The following MGMT variants were observed in gnomAD, a reference collection of about 807,000 sequenced individuals.
The protein encoded by MGMT is O-6-methylguanine-DNA methyltransferase.
In MGMT, 14 loss-of-function variants were observed where a neutral mutation model predicts 15.9. That is an observed-to-expected ratio of 0.88 (90% CI 0.58 to 1.37). The LOEUF (loss-of-function observed/expected upper bound fraction) is 1.37. MGMT is among the 40% of genes most tolerant of loss of function. The probability of loss-of-function intolerance (pLI) is 0.00; values close to 1 mark genes in which losing one functional copy is unlikely to be tolerated. For synonymous variants in MGMT, 130 were observed against 118.2 expected (o/e 1.10, Z -0.65); for missense variants, 282 against 268.1 (o/e 1.05, Z -0.36).
chr10:129,742,767 C>T (rs71476175), intron 3 of MGMT, among the ~76,000 whole-genome samples: 2 of 151,024 alleles, frequency 1.3e-5, no homozygotes, highest in Admixed American at 6.6e-5. Context: ...TCATCAGGGC[C>T]GGGGCATTCA....
chr10:129,668,521 C>T (rs1212980223), intron 2 of MGMT, among the ~76,000 whole-genome samples: 2 of 152,072 alleles, frequency 1.3e-5, no homozygotes, highest in Non-Finnish European at 2.9e-5. Flanking sequence ...CCATTTATTC[C>T]CCATGTCTAT....
At chr10:129,715,549 G>C (rs1227729090) in intron 3 of MGMT, 1 of 152,186 alleles carries the variant, frequency 6.6e-6, no homozygotes, top group Admixed American at 6.5e-5. Context: ...CGCTCCAAAA[G>C]AGAATGTTAA....
At position 129,702,858 on chromosome 10, in the gene MGMT, T is replaced by C. The variant is rs185038076; in HGVS notation, c.126-5037T>C. Among the ~76,000 whole-genome samples, 478 of 152,226 alleles carry C rather than the reference T, an allele frequency of 3.1e-3. 6 individuals are homozygous for C. Among genetic ancestry groups the C allele is most frequent in the East Asian group, 0.014 (73 of 5,158 alleles). Reference sequence around the variant, plus strand: ...CGTGGGCTACGGAGCCCGTAATTGTTAGTGTTTCAGGGTTTGCCAGTGGGG... The same window carrying C: ...CGTGGGCTACGGAGCCCGTAATTGTCAGTGTTTCAGGGTTTGCCAGTGGGG... On this transcript the variant is annotated intron_variant, in intron 2 of 4. Transcript: ENST00000651593.
chr10:129,575,079 A>G (rs1846464230), intron 2 of MGMT, among the ~76,000 whole-genome samples: 1 of 152,162 alleles, frequency 6.6e-6, no homozygotes. Context: ...CCACACAACA[A>G]TAATGGGAGA....
At chr10:129,597,545 A>T (rs1846765636) in intron 2 of MGMT, among the ~76,000 whole-genome samples, 1 of 152,186 alleles carries the variant, frequency 6.6e-6, no homozygotes. Flanking sequence ...AATATGTATG[A>T]AATTTGGCAT....
chr10:129,646,746 A>AT lies in MGMT; in HGVS notation c.126-61148dup, dbSNP rs1280365444. Among the ~76,000 whole-genome samples, 4 of 69,140 alleles carry AT rather than the reference A, an allele frequency of 5.8e-5. 1 individual carries two copies. The highest frequency in any genetic ancestry group is 7.7e-4 in the South Asian group (2 of 2,612). The allele number at this position is 69,140 out of a possible 152,430, so 45.4% of individuals were successfully genotyped here. ...TATATATATATATATATATATATAT[A>AT]TATATATATTTTCAGGGAATGGTAG... On this transcript the variant is annotated intron_variant, in intron 2 of 4. Transcript: ENST00000651593.
At chr10:129,520,047 T>C (rs1296026506) in intron 1 of MGMT, among the ~76,000 whole-genome samples, 1 of 152,146 alleles carries the variant, frequency 6.6e-6, no homozygotes, top group African/African-American at 2.4e-5. Flanking sequence ...AAAACGTTTG[T>C]GACAGCATCA....
At chr10:129,757,463 G>C (rs61876578) in intron 3 of MGMT, among the ~76,000 whole-genome samples, 2 of 152,034 alleles carry the variant, frequency 1.3e-5, no homozygotes, top group African/African-American at 4.8e-5. Context: ...AACACCTAAC[G>C]GAAAGCACAG....
chr10:129,678,723 A>G (rs1429206376), intron 2 of MGMT, among the ~76,000 whole-genome samples: 2 of 152,118 alleles, frequency 1.3e-5, no homozygotes, highest in Non-Finnish European at 2.9e-5. Context: ...CCACTATGCT[A>G]CGTGTGCACC....
At chr10:129,612,082 A>G (rs1846967680) in intron 2 of MGMT, among the ~76,000 whole-genome samples, 1 of 152,328 alleles carries the variant, frequency 6.6e-6, no homozygotes, top group East Asian at 1.9e-4. Context: ...GGTTTGGTCC[A>G]GAAAGGCGGG....
chr10:129,743,776 C>T (rs373289515), intron 3 of MGMT, among the ~76,000 whole-genome samples: 7 of 152,328 alleles, frequency 4.6e-5, no homozygotes, highest in African/African-American at 1.7e-4. Flanking sequence ...GCCGCTGTGT[C>T]ATATGCGTAT....
intron 2 of MGMT, among the ~76,000 whole-genome samples, chr10:129,538,637 T>C (rs1208005632): frequency 6.6e-6 from 1 of 152,180 alleles, no homozygotes; most frequent in Non-Finnish European, 1.5e-5. Flanking sequence ...TTGCCCATTT[T>C]TTTTTTTTAT....
chr10:129,701,323 G>A (rs1848096990), intron 2 of MGMT: 2 of 152,364 alleles, frequency 1.3e-5, no homozygotes, highest in African/African-American at 2.4e-5. Context: ...GAGAGAGGAG[G>A]TGTTCGGGTC....
At chr10:129,584,829 C>T (rs970156067) in intron 2 of MGMT, among the ~76,000 whole-genome samples, 6 of 152,180 alleles carry the variant, frequency 3.9e-5, no homozygotes, top group Middle Eastern at 3.2e-3. Flanking sequence ...TAATTCCCTG[C>T]GGCCAAACAA....
chr10:129,492,703 G>A (rs1355990050), intron 1 of MGMT, among the ~76,000 whole-genome samples: 1 of 152,168 alleles, frequency 6.6e-6, no homozygotes. Context: ...GGGCAGCAAA[G>A]GGCAGTCTCC....
At chr10:129,740,869 G>A (rs1022950002) in intron 3 of MGMT, among the ~76,000 whole-genome samples, 2 of 152,230 alleles carry the variant, frequency 1.3e-5, no homozygotes, top group African/African-American at 4.8e-5. Context: ...TAAGCACTCA[G>A]TAAGTCTTGG....
rs971878956 is a variant in MGMT, at chr10:129,574,171, A to G, written c.125+37794A>G. Among the ~76,000 whole-genome samples the G allele has an allele frequency of 2.6e-5, 4 of 152,216 alleles. No homozygotes were observed. The East Asian group carries it at 7.7e-4, about 29-fold the overall frequency. ...GTTTCATGTGCTAAATTTTCAGCAA[A>G]TAGTTTGAGCCTCACCTACAGCTTC... is the stretch of plus-strand genomic sequence containing the variant. On this transcript the variant is annotated intron_variant, in intron 2 of 4. Coordinates refer to ENST00000651593, the MANE Select transcript of MGMT (RefSeq NM_002412.5).
chr10:129,742,240 A>G (rs4751116), intron 3 of MGMT, among the ~76,000 whole-genome samples: 152,267 of 152,342 alleles, frequency 1, 76,096 homozygotes, highest in East Asian at 1. Flanking sequence ...GGAGCCAGAA[A>G]CTCCCTTTTT....
At chr10:129,698,898 C>T (rs10764899) in intron 2 of MGMT, among the ~76,000 whole-genome samples, 99,541 of 152,136 alleles carry the variant, frequency 0.65, 34,628 homozygotes, top group Non-Finnish European at 0.78. Flanking sequence ...CAGTCAGGCA[C>T]CGCAAGTGGG....
Sources: allele counts gnomAD v4.1 joint callset (sites outside exome capture counted in the v4.1 genomes callset), GRCh38; gene constraint gnomAD v4.1.1; transcripts MANE v1.5; gene names NCBI Gene and HGNC (gene_info 2026-07-23, HGNC 2026-07-21).